Variants in STARD13 observed in about 807,000 individuals in gnomAD.
STARD13 encodes stAR-related lipid transfer protein 13.
STARD13 carries 62 observed loss-of-function variants against 106.4 expected under a neutral mutation model. The ratio of observed to expected loss-of-function variants is 0.58; its 90% CI spans 0.48 to 0.72. The LOEUF (loss-of-function observed/expected upper bound fraction) is 0.72. STARD13 is among the 30% of genes least tolerant of loss of function. The pLI, the probability that STARD13 is intolerant of heterozygous loss-of-function variation, is 0.00. For synonymous variants in STARD13, 565 were observed against 553.0 expected (o/e 1.02, Z -0.31); for missense variants, 1,387 against 1,424.0 (o/e 0.97, Z 0.42).
the STARD13 span, among the ~76,000 whole-genome samples, chr13:33,501,856 T>G: frequency 6.6e-6 from 1 of 152,164 alleles, no homozygotes; most frequent in Non-Finnish European, 1.5e-5. Flanking sequence ...GTCATGGCAA[T>G]GCAGGCTCTT....
chr13:33,586,238 C>T, the STARD13 span, among the ~76,000 whole-genome samples: 1 of 152,124 alleles, frequency 6.6e-6, no homozygotes, highest in South Asian at 2.1e-4. Context: ...GTTAAGAAAA[C>T]ACATCTAGTT....
intron 11 of STARD13, 140 bp from the exon 12 acceptor site, chr13:33,110,230 C>A: frequency 1.5e-6 from 1 of 672,342 alleles, no homozygotes; most frequent in Non-Finnish European, 2.5e-6. Context: ...GAGAGTGATA[C>A]TACATACCTC....
downstream of STARD13, among the ~76,000 whole-genome samples, chr13:33,346,845 G>C (rs1407892042): frequency 6.6e-6 from 1 of 151,536 alleles, no homozygotes; most frequent in African/African-American, 2.4e-5. Flanking sequence ...CACTATGTTG[G>C]CCAGGCTGTC....
At chr13:33,217,647 C>T (rs1351799691) in intron 1 of STARD13, among the ~76,000 whole-genome samples, 1 of 152,154 alleles carries the variant, frequency 6.6e-6, no homozygotes, top group Non-Finnish European at 1.5e-5. Context: ...CCTTCCAAAA[C>T]AGGAAGATAC....
the STARD13 span, among the ~76,000 whole-genome samples, chr13:33,389,774 T>A: frequency 2.6e-5 from 4 of 152,304 alleles, no homozygotes; most frequent in East Asian, 7.7e-4. Flanking sequence ...ATGAATTTAC[T>A]ACATTAATTT....
At chr13:33,411,402 C>T in the STARD13 span, among the ~76,000 whole-genome samples, 1 of 152,104 alleles carries the variant, frequency 6.6e-6, no homozygotes, top group Non-Finnish European at 1.5e-5. Flanking sequence ...TGATTGTCCA[C>T]TCTCTAGAGA....
chr13:33,332,879 T>C (rs939066892), intron 1 of STARD13, among the ~76,000 whole-genome samples: 1 of 152,212 alleles, frequency 6.6e-6, no homozygotes, highest in East Asian at 1.9e-4. Flanking sequence ...GCTGTGAGTG[T>C]TTAGCATAGT....
At chr13:33,370,270 CAAAT>C in the STARD13 span, among the ~76,000 whole-genome samples, 1 of 152,142 alleles carries the variant, frequency 6.6e-6, no homozygotes. Context: ...CTTCTAGAAT[CAAAT>C]AAATGATTTG....
At chr13:33,459,045 T>G in the STARD13 span, among the ~76,000 whole-genome samples, 1 of 152,066 alleles carries the variant, frequency 6.6e-6, no homozygotes, top group African/African-American at 2.4e-5. Flanking sequence ...GCCCGGCCTA[T>G]TATTATTATT....
chr13:33,453,593 A>G, the STARD13 span, among the ~76,000 whole-genome samples: 6 of 152,364 alleles, frequency 3.9e-5, no homozygotes, highest in Non-Finnish European at 7.3e-5. Context: ...GAGATGAAGT[A>G]TATGAGATAG....
intron 1 of STARD13, among the ~76,000 whole-genome samples, chr13:33,230,235 G>A (rs555104610): frequency 2.0e-5 from 3 of 152,328 alleles, no homozygotes; most frequent in Admixed American, 6.5e-5. Context: ...TGCAACATAA[G>A]ATCATCATCT....
the STARD13 span, among the ~76,000 whole-genome samples, chr13:33,460,795 C>T: frequency 1.3e-5 from 2 of 151,778 alleles, no homozygotes; most frequent in South Asian, 2.1e-4. Context: ...ACTAAAATTG[C>T]CAGTTCTTAT....
chr13:33,134,293 C>T (rs1314644395), intron 4 of STARD13, among the ~76,000 whole-genome samples: 2 of 151,928 alleles, frequency 1.3e-5, no homozygotes, highest in East Asian at 3.9e-4. Flanking sequence ...AAAAAATGGC[C>T]AAAAAAACTC....
chr13:33,521,748 T>C, the STARD13 span, among the ~76,000 whole-genome samples: 1 of 152,136 alleles, frequency 6.6e-6, no homozygotes, highest in Non-Finnish European at 1.5e-5. Flanking sequence ...TTCCCTATGT[T>C]TTTACACAAT....
intron 1 of STARD13, among the ~76,000 whole-genome samples, chr13:33,250,214 A>T (rs1297748489): frequency 6.6e-6 from 1 of 152,206 alleles, no homozygotes; most frequent in African/African-American, 2.4e-5. Context: ...GAAAATTCTG[A>T]GCAGTAGACA....
the STARD13 span, among the ~76,000 whole-genome samples, chr13:33,358,965 C>T: frequency 4.6e-5 from 7 of 152,048 alleles, no homozygotes; most frequent in Non-Finnish European, 8.8e-5. Flanking sequence ...CTGATGGGGA[C>T]GTGGAGAACC....
At chr13:33,661,266 T>C in the STARD13 span, 1 of 152,202 alleles carries the variant, frequency 6.6e-6, no homozygotes, top group African/African-American at 2.4e-5. Flanking sequence ...CAAGAGATAA[T>C]GAGGACTTGC....
the STARD13 span, among the ~76,000 whole-genome samples, chr13:33,486,844 A>G: frequency 6.6e-6 from 1 of 152,202 alleles, no homozygotes; most frequent in Non-Finnish European, 1.5e-5. Flanking sequence ...CTTTTATGAC[A>G]TAGGGAGAGC....
At chr13:33,430,104 A>G in the STARD13 span, among the ~76,000 whole-genome samples, 2 of 152,184 alleles carry the variant, frequency 1.3e-5, no homozygotes, top group Non-Finnish European at 2.9e-5. Flanking sequence ...ATTTTAGTAG[A>G]GACGGGGTTT....
Sources: gnomAD v4.1 joint callset for allele counts (sites outside exome capture counted in the v4.1 genomes callset) on GRCh38, gnomAD v4.1.1 for gene constraint, MANE v1.5 for transcripts, NCBI Gene and HGNC (gene_info 2026-07-23, HGNC 2026-07-21) for gene names.